ERMP1: variants seen among roughly 807,000 people sequenced by gnomAD.
ERMP1 encodes endoplasmic reticulum metallopeptidase 1.
ERMP1 carries 86 observed loss-of-function variants against 92.0 expected under a neutral mutation model. That is an observed-to-expected ratio of 0.93 (90% CI 0.79 to 1.12). The LOEUF is 1.12. Among genes scored for constraint, ERMP1 ranks in the 50% most tolerant of loss-of-function variants. The probability of loss-of-function intolerance (pLI) is 0.00; values close to 1 mark genes in which losing one functional copy is unlikely to be tolerated. For synonymous variants in ERMP1, 530 were observed against 412.8 expected (o/e 1.28, Z -3.44); for missense variants, 1,342 against 1,116.3 (o/e 1.20, Z -2.88).
intron 13 of ERMP1, among the ~76,000 whole-genome samples, chr9:5,790,558 C>G (rs545729189): frequency 6.6e-6 from 1 of 152,108 alleles, no homozygotes; most frequent in Non-Finnish European, 1.5e-5. Context: ...CAGAGAGATA[C>G]AGAAAGGGTA....
At chr9:5,792,660 T>C (rs965712100) in intron 13 of ERMP1, among the ~76,000 whole-genome samples, 13 of 152,148 alleles carry the variant, frequency 8.5e-5, no homozygotes, top group African/African-American at 3.1e-4. Flanking sequence ...AAAAAGATGG[T>C]CATGTGACTT....
rs967009502 is a variant in ERMP1, at chr9:5,786,173, A to G, written c.*971T>C. ...AAAAAGATAGGCCCAGTGCATCAGT[A>G]AGATTATACCATGAAGGACTAACCT... On this transcript the variant is annotated 3_prime_UTR_variant, in exon 15 of 15. Coordinates refer to ENST00000339450, the MANE Select transcript of ERMP1 (RefSeq NM_024896.3). The G allele has an allele frequency of 1.3e-5, 2 of 152,190 alleles. No individual in the cohort carries two copies. Among genetic ancestry groups the G allele is most frequent in the African/African-American group, 4.8e-5 (2 of 41,448 alleles). 9.4% of individuals were successfully genotyped at this position (152,190 alleles called of 1,614,324 possible).
At chr9:5,849,604 G>A (rs1830281540) in intron 6 of ERMP1, among the ~76,000 whole-genome samples, 1 of 152,114 alleles carries the variant, frequency 6.6e-6, no homozygotes, top group Non-Finnish European at 1.5e-5. Context: ...TTCAGAAGGT[G>A]GTATTTGTAG....
chr9:5,858,313 C>A (rs952285957), intron 6 of ERMP1, among the ~76,000 whole-genome samples: 1 of 152,110 alleles, frequency 6.6e-6, no homozygotes, highest in African/African-American at 2.4e-5. Flanking sequence ...CTGAGAAGTT[C>A]CAAAGAGAGG....
chr9:5,845,001 G>T (rs915125161), intron 6 of ERMP1, among the ~76,000 whole-genome samples: 1 of 152,154 alleles, frequency 6.6e-6, no homozygotes, highest in African/African-American at 2.4e-5. Flanking sequence ...TCCTGCCAAA[G>T]CGAACAGGGG....
upstream of ERMP1, among the ~76,000 whole-genome samples, chr9:5,834,978 TG>T (rs1830072847): frequency 9.9e-5 from 1 of 10,126 alleles, no homozygotes; most frequent in South Asian, 0.014. Context: ...GATAGATAGA[TG>T]TGTGTGTGTG....
At chr9:5,802,202 T>C (rs1828698852) in intron 10 of ERMP1, among the ~76,000 whole-genome samples, 1 of 152,184 alleles carries the variant, frequency 6.6e-6, no homozygotes, top group Non-Finnish European at 1.5e-5. Flanking sequence ...TCTGTCATAT[T>C]TTTGTACTCA....
intron 5 of ERMP1, among the ~76,000 whole-genome samples, chr9:5,861,355 T>C (rs1830490005): frequency 6.6e-6 from 1 of 151,888 alleles, no homozygotes. Flanking sequence ...TAAGGAAATA[T>C]ATTCTACACT....
intron 13 of ERMP1, 75 bp downstream of exon 13, chr9:5,797,741 AG>A (rs775392693): frequency 6.9e-6 from 6 of 865,624 alleles, no homozygotes; most frequent in Non-Finnish European, 1.1e-5. Flanking sequence ...GATATATCTG[AG>A]GGAAAAACAT....
intron 13 of ERMP1, among the ~76,000 whole-genome samples, chr9:5,794,991 A>T (rs2131207270): frequency 6.6e-6 from 1 of 152,318 alleles, no homozygotes; most frequent in African/African-American, 2.4e-5. Flanking sequence ...AGATGCAAAA[A>T]TCCTTAACAA....
At position 5,832,742 on chromosome 9, in the gene ERMP1, C is replaced by T; in HGVS notation, c.286G>A (p.Val96Met). The T allele has an allele frequency of 1.3e-6, 2 of 1,496,824 alleles. No individual in the cohort carries two copies. Among genetic ancestry groups the T allele is most frequent in the East Asian group, 2.9e-5 (1 of 35,036 alleles). The allele number at this position is 1,496,824 out of a possible 1,614,324, so 92.7% of individuals were successfully genotyped here. A position where few individuals can be genotyped will look rare whatever the true frequency, so the allele number is the denominator to read the frequency against. ...CGGTGTCCAGCGGCCCCGCGTAGCACGAGCTGCTGCAGCGAGAGCTGCACC... is the reference window on the plus strand; with the variant it reads ...CGGTGTCCAGCGGCCCCGCGTAGCATGAGCTGCTGCAGCGAGAGCTGCACC... ...TLVQLSLQQL[V>M]LRGAAGHRGE... Residue 96 changes from valine to methionine, a missense_variant, in exon 1 of 15, where the codon GTG becomes ATG. Coordinates refer to ENST00000339450, the MANE Select transcript of ERMP1 (RefSeq NM_024896.3).
Position 5,866,613 on chromosome 9 carries a change from A to C in ERMP1, n.3055+1189T>G, listed in dbSNP as rs74514806. 8.5e-5 allele frequency among the ~76,000 whole-genome samples: 13 copies of C among 152,364 alleles called. No individual in the cohort carries two copies. The East Asian group carries it at 2.1e-3, about 25-fold the overall frequency. On this transcript the variant is annotated intron_variant and non_coding_transcript_variant, in intron 5 of 6. Transcript: ENST00000690753. ...ACAGATGAACTTGTAATTTCATAGA[A>C]CTGGAGGCATGGGAAACTAAGGAAA... is the stretch of plus-strand genomic sequence containing the variant.
rs1477452853 is a variant in ERMP1 at position 5,786,182 on chromosome 9, C to A, written c.*962G>T. ...GGCCCAGTGCATCAGTAAGATTATA[C>A]CATGAAGGACTAACCTTGTATAACA... On this transcript the variant is annotated 3_prime_UTR_variant, in exon 15 of 15. Coordinates refer to ENST00000339450, the MANE Select transcript of ERMP1 (RefSeq NM_024896.3). The A allele has an allele frequency of 6.6e-6, 1 of 152,130 alleles. No individual in the cohort carries two copies. The highest frequency in any genetic ancestry group is 1.5e-5 in the Non-Finnish European group (1 of 68,034). 9.4% of individuals were successfully genotyped at this position (152,130 alleles called of 1,614,324 possible). A position where few individuals can be genotyped will look rare whatever the true frequency, so the allele number is the denominator to read the frequency against.
At position 5,810,246 on chromosome 9, in the gene ERMP1, A is replaced by G; in HGVS notation, c.1328-15T>C. On this transcript the variant is annotated splice_polypyrimidine_tract_variant and intron_variant, in intron 7 of 14. Coordinates refer to ENST00000339450, the MANE Select transcript of ERMP1 (RefSeq NM_024896.3). ...GTAGTTACCAGCTAATGAAGAGAAA[A>G]CAAAAAGTTGAAATCACCATCTTCA... is the stretch of plus-strand genomic sequence containing the variant. The G allele has an allele frequency of 6.3e-7, 1 of 1,599,396 alleles. No individual in the cohort carries two copies. Among genetic ancestry groups the G allele is most frequent in the Non-Finnish European group, 8.6e-7 (1 of 1,168,042 alleles).
chr9:5,848,701 G>GA (rs34972819), intron 6 of ERMP1, among the ~76,000 whole-genome samples: 145,250 of 152,260 alleles, frequency 0.95, 69,552 homozygotes, highest in East Asian at 1. Context: ...CCTCCACCCT[G>GA]AAAAATGCCT....
rs1827948306 is a variant in ERMP1 at position 5,786,649 on chromosome 9, G to C, written c.*495C>G. On this transcript the variant is annotated 3_prime_UTR_variant, in exon 15 of 15. Transcript: ENST00000339450. ...TCAAGAGTGCAATGCTTCTCTCCCA[G>C]CCCTATGGCAATCACTTTCCAGTGA... is the stretch of plus-strand genomic sequence containing the variant. 2.5e-5 allele frequency: 4 copies of C among 156,962 alleles called. No individual in the cohort carries two copies. The highest frequency in any genetic ancestry group is 2.4e-4 in the Admixed American group (4 of 16,446). 9.7% of individuals were successfully genotyped at this position (156,962 alleles called of 1,614,324 possible).
rs373016826 is a variant in ERMP1 at position 5,844,620 on chromosome 9, C to T, written n.3200-11308G>A. ...AATCTTTGTGAGAACTAAAGAGAAA[C>T]TTCTGCCGTCACCTTTGCGGAGAAC... On this transcript the variant is annotated intron_variant and non_coding_transcript_variant, in intron 6 of 6. Coordinates refer to the ERMP1 transcript ENST00000690753. 9.2e-5 allele frequency among the ~76,000 whole-genome samples: 14 copies of T among 152,288 alleles called. No individual in the cohort carries two copies. The East Asian group carries it at 1.9e-3, about 21-fold the overall frequency.
intron 11 of ERMP1, among the ~76,000 whole-genome samples, chr9:5,800,883 T>C (rs1405695881): frequency 6.6e-6 from 1 of 152,244 alleles, no homozygotes; most frequent in East Asian, 1.9e-4. Flanking sequence ...AAACTCATTA[T>C]TCCATAATAA....
chr9:5,822,808 A>G (rs181650322), intron 4 of ERMP1, among the ~76,000 whole-genome samples: 1 of 152,206 alleles, frequency 6.6e-6, no homozygotes, highest in East Asian at 1.9e-4. Context: ...GACAATTAAA[A>G]CCCATTTATG....
Sources: gnomAD v4.1 joint callset for allele counts (sites outside exome capture counted in the v4.1 genomes callset) on GRCh38, gnomAD v4.1.1 for gene constraint, MANE v1.5 for transcripts, NCBI Gene and HGNC (gene_info 2026-07-23, HGNC 2026-07-21) for gene names.